The following PPP3CA variants were observed in gnomAD, a reference collection of about 807,000 sequenced individuals.
PPP3CA encodes CAM-PRP catalytic subunit.
A neutral mutation model predicts 66.5 loss-of-function variants in PPP3CA; 14 were observed. The ratio of observed to expected loss-of-function variants is 0.21; its 90% CI spans 0.14 to 0.33. The LOEUF (loss-of-function observed/expected upper bound fraction) is 0.33. Ranked by LOEUF, PPP3CA falls within the 10% of genes least tolerant of loss-of-function variation. PPP3CA has a pLI of 1.00. For synonymous variants in PPP3CA, 232 were observed against 226.2 expected (o/e 1.03, Z -0.23); for missense variants, 317 against 639.5 (o/e 0.50, Z 5.44).
chr4:101,298,278 C>A (rs903717093), intron 1 of PPP3CA, among the ~76,000 whole-genome samples: 2 of 151,316 alleles, frequency 1.3e-5, no homozygotes, highest in Admixed American at 6.6e-5. Flanking sequence ...TTAAATTGGT[C>A]TAAGACAAAG....
chr4:101,092,974 T>C (rs1730025473), intron 6 of PPP3CA, among the ~76,000 whole-genome samples: 1 of 152,208 alleles, frequency 6.6e-6, no homozygotes, highest in African/African-American at 2.4e-5. Flanking sequence ...ATATACCCAG[T>C]AATGGGATTG....
intron 1 of PPP3CA, among the ~76,000 whole-genome samples, chr4:101,261,605 A>T (rs1282280693): frequency 6.6e-6 from 1 of 152,120 alleles, no homozygotes; most frequent in Non-Finnish European, 1.5e-5. Context: ...ATTGTCCTTT[A>T]TAAGTGACTA....
At chr4:101,295,259 C>T (rs1222911213) in intron 1 of PPP3CA, among the ~76,000 whole-genome samples, 1 of 148,708 alleles carries the variant, frequency 6.7e-6, no homozygotes, top group African/African-American at 2.5e-5. Context: ...CGAGATTGCG[C>T]CACTGCAGTC....
intron 12 of PPP3CA, 117 bp downstream of exon 12, chr4:101,032,150 G>A: frequency 1.4e-6 from 1 of 701,972 alleles, no homozygotes; most frequent in Non-Finnish European, 2.2e-6. Context: ...CCTTCTGCCA[G>A]CTGAGAAGAA....
intron 1 of PPP3CA, among the ~76,000 whole-genome samples, chr4:101,265,272 TA>T (rs1460113136): frequency 6.6e-6 from 1 of 151,982 alleles, no homozygotes; most frequent in Non-Finnish European, 1.5e-5. Context: ...CTCTTTTATT[TA>T]TTTTTTTTAT....
rs1560694558 is a variant in PPP3CA, at chr4:101,278,145, A to AATT, written c.58+68593_58+68594insAAT. Among the ~76,000 whole-genome samples, 54 of 148,600 alleles carry AATT rather than the reference A, an allele frequency of 3.6e-4. 1 individual carries two copies. The highest frequency in any genetic ancestry group is 1.2e-3 in the African/African-American group (46 of 39,160). The stretch of plus-strand genomic sequence containing the variant: ...AGTAAAAAAAAAAAAAAAAATAAAA[A>AATT]AATTAAAAAGTTATTTTAACTACGA... On this transcript the variant is annotated intron_variant, in intron 1 of 13. Coordinates refer to ENST00000394854, the MANE Select transcript of PPP3CA (RefSeq NM_000944.5).
intron 1 of PPP3CA, among the ~76,000 whole-genome samples, chr4:101,207,494 C>T (rs1403751398): frequency 2.0e-5 from 3 of 152,068 alleles, no homozygotes. Context: ...TACCAGTAGA[C>T]ACAAATGAAA....
intron 2 of PPP3CA, among the ~76,000 whole-genome samples, chr4:101,151,345 A>C (rs1298934530): frequency 6.6e-6 from 1 of 152,072 alleles, no homozygotes; most frequent in Non-Finnish European, 1.5e-5. Context: ...GTGGATCACG[A>C]GGTCAGGAGT....
At chr4:101,076,651 A>G (rs1212794398) in intron 8 of PPP3CA, among the ~76,000 whole-genome samples, 1 of 152,216 alleles carries the variant, frequency 6.6e-6, no homozygotes, top group African/African-American at 2.4e-5. Context: ...ACAGAAAGCC[A>G]AAGTTGCTCA....
At chr4:101,270,858 A>G (rs1053623344) in intron 1 of PPP3CA, among the ~76,000 whole-genome samples, 1 of 152,118 alleles carries the variant, frequency 6.6e-6, no homozygotes. Context: ...CCCAAAGTAG[A>G]TTAAATACAG....
At chr4:101,151,820 C>T (rs1425233213) in intron 2 of PPP3CA, among the ~76,000 whole-genome samples, 1 of 151,532 alleles carries the variant, frequency 6.6e-6, no homozygotes, top group Non-Finnish European at 1.5e-5. Context: ...CCACACCCTG[C>T]TAATTTTTTG....
Position 101,119,502 on chromosome 4 carries a change from AAAAAAC to A in PPP3CA, c.260-10430_260-10425del, listed in dbSNP as rs377701668. On this transcript the variant is annotated intron_variant, in intron 2 of 13. Coordinates refer to ENST00000394854, the MANE Select transcript of PPP3CA (RefSeq NM_000944.5). ...GACATTTCACCAAATGGATTTTTTG[AAAAAAC>A]AAAAACAAAAACAAAAACAAAAAAA... Among the ~76,000 whole-genome samples, 208 of 152,138 alleles carry A rather than the reference AAAAAAC, an allele frequency of 1.4e-3. 1 individual carries two copies. Among genetic ancestry groups the A allele is most frequent in the African/African-American group, 4.5e-3 (187 of 41,544 alleles).
chr4:101,149,294 A>G (rs1357150041), intron 2 of PPP3CA, among the ~76,000 whole-genome samples: 1 of 152,316 alleles, frequency 6.6e-6, no homozygotes, highest in African/African-American at 2.4e-5. Flanking sequence ...GCTTTATCAC[A>G]TAATTCTCCT....
At chr4:101,179,548 T>C (rs906073163) in intron 2 of PPP3CA, among the ~76,000 whole-genome samples, 1 of 152,212 alleles carries the variant, frequency 6.6e-6, no homozygotes, top group East Asian at 1.9e-4. Context: ...TTGGAAGCCA[T>C]GCTGTCTCTT....
intron 1 of PPP3CA, among the ~76,000 whole-genome samples, chr4:101,289,553 T>C (rs184061355): frequency 6.6e-6 from 1 of 152,204 alleles, no homozygotes; most frequent in Admixed American, 6.5e-5. Flanking sequence ...AGCAACTTCA[T>C]GTAATAAAAC....
intron 1 of PPP3CA, among the ~76,000 whole-genome samples, chr4:101,209,808 C>T (rs911486989): frequency 2.0e-5 from 3 of 151,920 alleles, no homozygotes; most frequent in Admixed American, 6.6e-5. Flanking sequence ...CATCAAGAGC[C>T]CACCAAAATT....
intron 1 of PPP3CA, among the ~76,000 whole-genome samples, chr4:101,232,923 C>T (rs943853599): frequency 2.0e-5 from 3 of 151,654 alleles, no homozygotes; most frequent in Non-Finnish European, 4.4e-5. Context: ...AAACACCATA[C>T]AGATTTACTA....
chr4:101,216,786 C>T (rs182148372), intron 1 of PPP3CA, among the ~76,000 whole-genome samples: 105 of 152,062 alleles, frequency 6.9e-4, no homozygotes, highest in Admixed American at 8.5e-4. Flanking sequence ...CCTGGGCTCT[C>T]GCAATCAGTC....
intron 1 of PPP3CA, among the ~76,000 whole-genome samples, chr4:101,269,552 A>T (rs1236283225): frequency 1.1e-5 from 1 of 89,630 alleles, no homozygotes; most frequent in Middle Eastern, 6.3e-3. Context: ...CAAACAAGGA[A>T]CGTGTGTGTG....
Sources: allele counts gnomAD v4.1 joint callset (sites outside exome capture counted in the v4.1 genomes callset), GRCh38; gene constraint gnomAD v4.1.1; transcripts MANE v1.5; gene names NCBI Gene and HGNC (gene_info 2026-07-23, HGNC 2026-07-21).